The following TBX1 variants were observed in gnomAD, a reference collection of about 807,000 sequenced individuals.
TBX1 encodes the protein T-box transcription factor 1.
TBX1 carries 16 observed loss-of-function variants against 40.8 expected under a neutral mutation model. The observed-to-expected ratio is 0.39, with a 90% confidence interval of 0.27 to 0.60. TBX1 has a LOEUF of 0.60. TBX1 is among the 20% of genes least tolerant of loss of function. TBX1 has a pLI of 0.51. For missense variants in TBX1, 755 were observed against 728.5 expected (o/e 1.04, Z -0.42); for synonymous variants, 403 against 336.8 (o/e 1.20, Z -2.15).
At chr22:19,778,623 C>CG (rs1220995239) in intron 8 of TBX1, among the ~76,000 whole-genome samples, 2 of 151,496 alleles carry the variant, frequency 1.3e-5, no homozygotes, top group Non-Finnish European at 2.9e-5. Context: ...TCAGTAGAGA[C>CG]GGGGCTTCAC....
At chr22:19,774,507 A>G (rs886888936) in intron 8 of TBX1, among the ~76,000 whole-genome samples, 1 of 152,216 alleles carries the variant, frequency 6.6e-6, no homozygotes, top group Non-Finnish European at 1.5e-5. Flanking sequence ...TCTCAAAGAG[A>G]TATTTCTCCA....
chr22:19,766,424 G>T lies in TBX1; in HGVS notation c.1072G>T (p.Ala358Ser). 7.4e-7 allele frequency: 1 copy of T among 1,344,020 alleles called. No homozygotes were observed. Among genetic ancestry groups the T allele is most frequent in the South Asian group, 1.7e-5 (1 of 57,716 alleles). The allele number at this position is 1,344,020 out of a possible 1,614,324, so 83.3% of individuals were successfully genotyped here. A position where few individuals can be genotyped will look rare whatever the true frequency, so the allele number is the denominator to read the frequency against. Residue 358 changes from alanine (A) to serine (S), a missense_variant, in exon 7 of 7, where the codon GCG (alanine) becomes TCG (serine). Ala to Ser is a moderately conservative substitution (Grantham distance 99, BLOSUM62 1). Around this residue, in one of 3 missense-constraint regions of TBX1, gnomAD observed 412 missense variants for 317.6 expected, o/e 1.30. Transcript: ENST00000649276. ...GGCCCGGCGAGAATTCCAGCGCGAC[G>T]CGGGCGGGCCAGCAGTGCTCGGGGA... ...AEARREFQRDAGGPAVLGDPA... is the reference protein window; with the variant it reads ...AEARREFQRDSGGPAVLGDPA...
chr22:19,774,281 T>C (rs34674590), intron 8 of TBX1, among the ~76,000 whole-genome samples: 25,733 of 152,128 alleles, frequency 0.17, 4,003 homozygotes, highest in African/African-American at 0.41. Flanking sequence ...TGGGCGGGCC[T>C]AGGCACCTGT....
chr22:19,778,875 C>T (rs555796750), intron 8 of TBX1, among the ~76,000 whole-genome samples: 7 of 152,108 alleles, frequency 4.6e-5, no homozygotes, highest in Non-Finnish European at 1.0e-4. Context: ...GCTGAGATTG[C>T]ACCACTGCAC....
chr22:19,770,281 C>T (rs559790028), downstream of TBX1, among the ~76,000 whole-genome samples: 168 of 152,308 alleles, frequency 1.1e-3, 2 homozygotes, highest in South Asian at 0.015. Flanking sequence ...CTTGACTAAG[C>T]GGGGGTGGGG....
chr22:19,767,896 C>T (rs1936916383), downstream of TBX1, among the ~76,000 whole-genome samples: 1 of 152,224 alleles, frequency 6.6e-6, no homozygotes, highest in Non-Finnish European at 1.5e-5. Flanking sequence ...CCGCATGTTC[C>T]CTCCTTAGTG....
upstream of TBX1, among the ~76,000 whole-genome samples, chr22:19,759,989 A>G (rs1157649483): frequency 6.6e-6 from 1 of 152,172 alleles, no homozygotes; most frequent in Non-Finnish European, 1.5e-5. Context: ...AAGAGAGGAG[A>G]GAGCGGGAGA....
At chr22:19,779,135 A>G (rs1047440388) in intron 8 of TBX1, 1 of 1,508,202 alleles carries the variant, frequency 6.6e-7, no homozygotes, top group Non-Finnish European at 9.2e-7. Context: ...GACACTGGAC[A>G]TTTGTGCAGT....
At chr22:19,769,605 G>A (rs1936954427), downstream of TBX1, among the ~76,000 whole-genome samples, 1 of 152,236 alleles carries the variant, frequency 6.6e-6, no homozygotes, top group Non-Finnish European at 1.5e-5. Context: ...CGCTGCGGGG[G>A]CTGTCTGGCT....
At chr22:19,777,631 C>T (rs1262689590) in intron 8 of TBX1, among the ~76,000 whole-genome samples, 1 of 152,160 alleles carries the variant, frequency 6.6e-6, no homozygotes, top group African/African-American at 2.4e-5. Flanking sequence ...CTTTCCCATG[C>T]CTTCTCGTCT....
chr22:19,757,614 C>T (rs1409810029), upstream of TBX1, among the ~76,000 whole-genome samples: 1 of 152,168 alleles, frequency 6.6e-6, no homozygotes, highest in Non-Finnish European at 1.5e-5. Flanking sequence ...TGCAGACTGC[C>T]AACACAGGCA....
At chr22:19,769,629 C>A (rs1256549579), downstream of TBX1, among the ~76,000 whole-genome samples, 1 of 152,260 alleles carries the variant, frequency 6.6e-6, no homozygotes, top group Admixed American at 6.5e-5. Flanking sequence ...GCCCCAGCCA[C>A]TACCGTTCCT....
chr22:19,771,253 G>A (rs41300446), downstream of TBX1, among the ~76,000 whole-genome samples: 1,079 of 152,358 alleles, frequency 7.1e-3, 15 homozygotes, highest in African/African-American at 0.025. Flanking sequence ...CCCAAGCCTA[G>A]GGAGGGCAGG....
Position 19,767,068 on chromosome 22 carries a change from C to A in TBX1, c.*201C>A, listed in dbSNP as rs1936887182. On this transcript the variant is annotated 3_prime_UTR_variant, in exon 7 of 7. Coordinates refer to ENST00000649276, the MANE Select transcript of TBX1 (RefSeq NM_001379200.1). ...TGGGCTATCGAAGTATCCGGTTCCC[C>A]AGTCCCTGGAGCCACCGCGGGTCCT... is the stretch of plus-strand genomic sequence containing the variant. 1 of 1,286,050 alleles carries A rather than the reference C, an allele frequency of 7.8e-7. No homozygotes were observed. Among genetic ancestry groups the A allele is most frequent in the African/African-American group, 1.6e-5 (1 of 64,050 alleles). The allele number at this position is 1,286,050 out of a possible 1,614,324, so 79.7% of individuals were successfully genotyped here. A position where few individuals can be genotyped will look rare whatever the true frequency, so the allele number is the denominator to read the frequency against.
downstream of TBX1, chr22:19,783,570 AAAACAAAC>A (rs60613692): frequency 1.2e-5 from 2 of 166,814 alleles, no homozygotes; most frequent in Non-Finnish European, 2.6e-5. Flanking sequence ...CTTAAAAGAA[AAAACAAAC>A]AAACAAACCA....
intron 8 of TBX1, among the ~76,000 whole-genome samples, chr22:19,776,758 C>T (rs753290497): frequency 1.7e-4 from 26 of 152,202 alleles, no homozygotes; most frequent in Non-Finnish European, 3.5e-4. Flanking sequence ...GCACACTACC[C>T]GCATGTGCCT....
chr22:19,762,436 C>T (rs1041927318), intron 1 of TBX1, among the ~76,000 whole-genome samples: 8 of 152,232 alleles, frequency 5.3e-5, no homozygotes, highest in African/African-American at 1.9e-4. Flanking sequence ...TGAAGGGCCC[C>T]ACGGCCACTA....
intron 8 of TBX1, among the ~76,000 whole-genome samples, chr22:19,777,458 CGTT>C (rs1188534910): frequency 6.6e-6 from 1 of 152,118 alleles, no homozygotes; most frequent in Non-Finnish European, 1.5e-5. Context: ...TCCAGTCTAT[CGTT>C]GTTGGACATT....
Position 19,766,431 on chromosome 22 carries a change from G to T in TBX1, c.1079G>T (p.Gly360Val). The change falls in exon 7 of 7, where the codon GGG (glycine) becomes GTG (valine). Residue 360 changes from glycine (G) to valine (V), a missense_variant. Gly to Val is a moderately radical substitution (Grantham distance 109). Around this residue, in one of 3 missense-constraint regions of TBX1, gnomAD observed 412 missense variants for 317.6 expected, o/e 1.30. Transcript: ENST00000649276. ...CGAGAATTCCAGCGCGACGCGGGCG[G>T]GCCAGCAGTGCTCGGGGACCCGGCG... ...ARREFQRDAG[G>V]PAVLGDPAHP... The T allele has an allele frequency of 1.5e-6, 2 of 1,352,672 alleles. No homozygotes were observed. Among genetic ancestry groups the T allele is most frequent in the Middle Eastern group, 2.7e-4 (1 of 3,682 alleles). 83.8% of individuals were successfully genotyped at this position (1,352,672 alleles called of 1,614,324 possible). A position where few individuals can be genotyped will look rare whatever the true frequency, so the allele number is the denominator to read the frequency against.
Sources: allele counts gnomAD v4.1 joint callset (sites outside exome capture counted in the v4.1 genomes callset), GRCh38; gene constraint gnomAD v4.1.1; regional missense constraint gnomAD v4.1.1; transcripts MANE v1.5; gene names NCBI Gene and HGNC (gene_info 2026-07-23, HGNC 2026-07-21).